SETD3: variants seen among roughly 807,000 people sequenced by gnomAD.
SETD3 encodes the protein SET domain containing 3, actin N3(tau)-histidine methyltransferase, also known as actin-histidine N-methyltransferase.
A neutral mutation model predicts 63.0 loss-of-function variants in SETD3; 19 were observed. The ratio of observed to expected loss-of-function variants is 0.30; its 90% CI spans 0.21 to 0.44. The LOEUF (loss-of-function observed/expected upper bound fraction) is 0.44, where lower values mean the gene tolerates loss of function less well. SETD3 is among the 20% of genes least tolerant of loss of function. The pLI, the probability that SETD3 is intolerant of heterozygous loss-of-function variation, is 1.00. For synonymous variants in SETD3, 286 were observed against 264.1 expected, an observed-to-expected ratio of 1.08 and a Z score of -0.80; for missense variants, 587 against 728.5, an observed-to-expected ratio of 0.81 and a Z score of 2.24.
intron 1 of SETD3, among the ~76,000 whole-genome samples, chr14:99,470,839 T>C (rs1595274279): frequency 6.6e-6 from 1 of 152,214 alleles, no homozygotes; most frequent in African/African-American, 2.4e-5. Flanking sequence ...AGACGCCCTA[T>C]ATGTACTCCG....
At chr14:99,447,238 G>A (rs777040721) in intron 6 of SETD3, among the ~76,000 whole-genome samples, 36 of 152,112 alleles carry the variant, frequency 2.4e-4, no homozygotes, top group Admixed American at 2.0e-3. Context: ...CACCCAAAGC[G>A]CTGGGATTAA....
At chr14:99,403,469 T>A (rs890881015) in intron 11 of SETD3, among the ~76,000 whole-genome samples, 116 of 141,340 alleles carry the variant, frequency 8.2e-4, no homozygotes, top group African/African-American at 3.4e-3. Context: ...TCTCTCTCTC[T>A]CTCTCTCTCT....
At chr14:99,412,877 A>G in intron 8 of SETD3, 74 bp downstream of exon 8, 3 of 1,072,114 alleles carry the variant, frequency 2.8e-6, no homozygotes, top group East Asian at 2.4e-5. Flanking sequence ...GGTAGGTGGA[A>G]TAACAGCCCC....
intron 6 of SETD3, among the ~76,000 whole-genome samples, chr14:99,426,426 T>C (rs1016649157): frequency 7.2e-5 from 11 of 152,056 alleles, no homozygotes; most frequent in Non-Finnish European, 1.3e-4. Context: ...CACTGACAAA[T>C]AGTCACAAAC....
intron 6 of SETD3, among the ~76,000 whole-genome samples, chr14:99,451,856 G>A (rs1894480956): frequency 6.6e-6 from 1 of 152,048 alleles, no homozygotes. Context: ...CCTGCAGCGT[G>A]AGGCTTCTGG....
chr14:99,410,183 G>A, intron 8 of SETD3: 1 of 1,613,064 alleles, frequency 6.2e-7, no homozygotes, highest in Non-Finnish European at 8.5e-7. Flanking sequence ...CTTAGGCAGA[G>A]GCGACAGCAA....
chr14:99,420,176 C>G (rs916121726), intron 6 of SETD3, among the ~76,000 whole-genome samples: 6 of 152,142 alleles, frequency 3.9e-5, no homozygotes, highest in Non-Finnish European at 8.8e-5. Context: ...CTTTCCCACG[C>G]TGGCCTCAGT....
chr14:99,476,012 T>C (rs1310729392), intron 1 of SETD3, among the ~76,000 whole-genome samples: 1 of 152,254 alleles, frequency 6.6e-6, no homozygotes, highest in Non-Finnish European at 1.5e-5. Context: ...ATGTCCTGTG[T>C]CCTATGGAAG....
At chr14:99,405,992 A>G (rs1056432107) in intron 9 of SETD3, among the ~76,000 whole-genome samples, 17 of 152,138 alleles carry the variant, frequency 1.1e-4, no homozygotes, top group Non-Finnish European at 1.9e-4. Context: ...GTGTAGACTG[A>G]TAGAATGTAG....
At chr14:99,399,596 A>C (rs1032042573) in intron 12 of SETD3, among the ~76,000 whole-genome samples, 2 of 152,232 alleles carry the variant, frequency 1.3e-5, no homozygotes, top group African/African-American at 4.8e-5. Context: ...TAAATTATAA[A>C]AAAGTATTGA....
chr14:99,406,314 A>G (rs1043344311), intron 9 of SETD3, among the ~76,000 whole-genome samples: 1 of 152,250 alleles, frequency 6.6e-6, no homozygotes, highest in Non-Finnish European at 1.5e-5. Context: ...CCCAAAGCAC[A>G]ATGCAAAGCA....
chr14:99,430,614 C>T (rs1370838185), intron 6 of SETD3, among the ~76,000 whole-genome samples: 3 of 152,190 alleles, frequency 2.0e-5, no homozygotes, highest in African/African-American at 4.8e-5. Context: ...AAACATTAGG[C>T]TAGGAACTGT....
chr14:99,421,829 A>T (rs1892612267), intron 6 of SETD3, among the ~76,000 whole-genome samples: 1 of 152,166 alleles, frequency 6.6e-6, no homozygotes, highest in Non-Finnish European at 1.5e-5. Flanking sequence ...CAATCCAGAC[A>T]AGAGTTTTCT....
intron 9 of SETD3, among the ~76,000 whole-genome samples, chr14:99,405,757 C>T (rs1021987229): frequency 5.3e-5 from 8 of 152,308 alleles, no homozygotes; most frequent in Non-Finnish European, 1.2e-4. Context: ...CCAAGTTCTT[C>T]CTGTCCTTTT....
At chr14:99,485,957 AT>A in the SETD3 span, among the ~76,000 whole-genome samples, 2 of 152,210 alleles carry the variant, frequency 1.3e-5, no homozygotes, top group Non-Finnish European at 2.9e-5. Flanking sequence ...ACTTCTAAAA[AT>A]GTTATTTTAT....
rs1402721472 is a variant in SETD3, at chr14:99,453,783, G to A, written c.675+4496C>T. 2.6e-5 allele frequency among the ~76,000 whole-genome samples: 4 copies of A among 151,828 alleles called. 1 individual carries two copies. The East Asian group carries it at 7.7e-4, about 29-fold the overall frequency. ...TGAGGTTGCAGTGAGCCGAGATCATGCCACCGCACTCCACCCTAGGTGATA... is the reference window on the plus strand; with the variant it reads ...TGAGGTTGCAGTGAGCCGAGATCATACCACCGCACTCCACCCTAGGTGATA... On this transcript the variant is annotated intron_variant, in intron 6 of 12. Transcript: ENST00000331768.
chr14:99,427,689 A>T (rs567652279), intron 6 of SETD3, among the ~76,000 whole-genome samples: 1 of 152,316 alleles, frequency 6.6e-6, no homozygotes, highest in East Asian at 1.9e-4. Context: ...CCAAACCTGC[A>T]CTGTGTGTCT....
intron 6 of SETD3, among the ~76,000 whole-genome samples, chr14:99,453,956 A>G (rs1364529558): frequency 6.6e-6 from 1 of 152,160 alleles, no homozygotes; most frequent in Non-Finnish European, 1.5e-5. Flanking sequence ...TGAACTGCCC[A>G]CGTGGTCAGC....
intron 1 of SETD3, among the ~76,000 whole-genome samples, chr14:99,471,601 T>C (rs1895709549): frequency 1.3e-5 from 2 of 152,206 alleles, no homozygotes; most frequent in Admixed American, 6.5e-5. Context: ...CACCTGTGAA[T>C]AGCCATTGGG....
Sources: gnomAD v4.1 joint callset for allele counts (sites outside exome capture counted in the v4.1 genomes callset) on GRCh38, gnomAD v4.1.1 for gene constraint, MANE v1.5 for transcripts, NCBI Gene and HGNC (gene_info 2026-07-23, HGNC 2026-07-21) for gene names.